The following MTRR variants were observed in gnomAD, a reference collection of about 807,000 sequenced individuals.
MTRR encodes the protein 5-methyltetrahydrofolate-homocysteine methyltransferase reductase.
MTRR carries 63 observed loss-of-function variants against 79.2 expected under a neutral mutation model. The ratio of observed to expected loss-of-function variants is 0.80; its 90% CI spans 0.65 to 0.98. The LOEUF (loss-of-function observed/expected upper bound fraction) is 0.98, where lower values mean the gene tolerates loss of function less well. Among genes scored for constraint, MTRR ranks in the 50% least tolerant of loss-of-function variants. The pLI, the probability that MTRR is intolerant of heterozygous loss-of-function variation, is 0.00. For synonymous variants in MTRR, 355 were observed against 313.3 expected (o/e 1.13, Z -1.41); for missense variants, 895 against 839.6 (o/e 1.07, Z -0.82).
upstream of MTRR, among the ~76,000 whole-genome samples, chr5:7,864,433 G>A (rs986106662): frequency 6.6e-6 from 1 of 151,922 alleles, no homozygotes; most frequent in Non-Finnish European, 1.5e-5. Context: ...AGACAGATTC[G>A]ACTACAGAAC....
chr5:7,891,634 A>G (rs550150098), intron 10 of MTRR, among the ~76,000 whole-genome samples: 3 of 152,222 alleles, frequency 2.0e-5, no homozygotes, highest in Admixed American at 6.5e-5. Flanking sequence ...GCCCAGTACT[A>G]TGTTTCCCCA....
chr5:7,877,297 A>G (rs543122554), intron 4 of MTRR, among the ~76,000 whole-genome samples: 1 of 152,224 alleles, frequency 6.6e-6, no homozygotes, highest in East Asian at 1.9e-4. Flanking sequence ...TAAAAAATCT[A>G]TTTATGATGA....
intron 1 of MTRR, among the ~76,000 whole-genome samples, chr5:7,852,696 T>C (rs759993915): frequency 2.6e-5 from 4 of 151,922 alleles, no homozygotes; most frequent in African/African-American, 7.3e-5. Flanking sequence ...GCATGACTCA[T>C]ACTTTTTTGC....
Position 7,892,889 on chromosome 5 carries a change from C to T in MTRR, c.1533C>T (p.Asp511=), listed in dbSNP as rs1269324233. 2.5e-6 allele frequency: 4 copies of T among 1,614,128 alleles called. No homozygotes were observed. Among genetic ancestry groups the T allele is most frequent in the Non-Finnish European group, 3.4e-6 (4 of 1,180,056 alleles). ...LQPNIHASHE[D]SGKALAPKIS... is the part of the protein sequence containing the mutation. Reference sequence around the variant, plus strand: ...CAAACATACATGCATCCCATGAAGACAGCGGGAAAGCCCTGGCTCCTAAGG... The same window carrying T: ...CAAACATACATGCATCCCATGAAGATAGCGGGAAAGCCCTGGCTCCTAAGG... The change falls in exon 11 of 15, where the codon GAC becomes GAT. Residue 511 remains aspartate, a synonymous_variant. Transcript: ENST00000440940.
At chr5:7,880,703 C>G (rs1207665895) in intron 5 of MTRR, among the ~76,000 whole-genome samples, 2 of 152,172 alleles carry the variant, frequency 1.3e-5, no homozygotes, top group Admixed American at 6.5e-5. Context: ...TTGGCCCTCC[C>G]CATGATGATA....
chr5:7,860,291 G>T (rs162024), intron 1 of MTRR, among the ~76,000 whole-genome samples: 90,023 of 152,024 alleles, frequency 0.59, 28,222 homozygotes, highest in African/African-American at 0.8. Context: ...TTAGGGCAGC[G>T]CTCATTCTCA....
At chr5:7,876,508 A>C (rs564108857) in intron 4 of MTRR, among the ~76,000 whole-genome samples, 1 of 152,300 alleles carries the variant, frequency 6.6e-6, no homozygotes, top group South Asian at 2.1e-4. Context: ...GAAATGCTTG[A>C]CTGTATATTT....
intron 5 of MTRR, among the ~76,000 whole-genome samples, chr5:7,880,976 G>A (rs1043943076): frequency 2.0e-5 from 3 of 152,172 alleles, no homozygotes; most frequent in Non-Finnish European, 4.4e-5. Flanking sequence ...CCATTGTCAA[G>A]TACAGTTTCT....
chr5:7,875,227 T>A (rs770970134), intron 3 of MTRR, 31 bp from the exon 4 acceptor site: 10 of 1,400,166 alleles, frequency 7.1e-6, no homozygotes, highest in Non-Finnish European at 1.0e-5. Context: ...TAAACTTTAT[T>A]GTGCATTAAT....
In MTRR at chr5:7,895,828, C is replaced by T. The variant is rs1293710305; in HGVS notation, c.1652C>T (p.Pro551Leu). Reference protein sequence around the residue: ...IMVGPGTGIAPFIGFLQHREK... With the variant: ...IMVGPGTGIALFIGFLQHREK... ...GTGGGTCCAGGAACCGGCATAGCCC[C>T]GTTTATTGGGTTCCTACAACATAGG... The change falls in exon 12 of 15, where the codon CCG becomes CTG. Residue 551 changes from proline to leucine, a missense_variant. Pro to Leu is a moderately conservative substitution (Grantham distance 98). Coordinates refer to ENST00000440940, the MANE Select transcript of MTRR (RefSeq NM_002454.3). 5.0e-6 allele frequency: 8 copies of T among 1,614,092 alleles called. No individual in the cohort carries two copies. The highest frequency in any genetic ancestry group is 2.7e-5 in the African/African-American group (2 of 75,046).
chr5:7,891,940 G>A (rs1737671250), intron 10 of MTRR, among the ~76,000 whole-genome samples: 2 of 152,180 alleles, frequency 1.3e-5, no homozygotes, highest in South Asian at 2.1e-4. Flanking sequence ...TACTTGGGAG[G>A]CTGAGGTGGG....
In MTRR at chr5:7,883,205, A is replaced by G; in HGVS notation, c.831A>G (p.Pro277=). The G allele has an allele frequency of 1.2e-6, 2 of 1,614,240 alleles. No homozygotes were observed. Among genetic ancestry groups the G allele is most frequent in the Non-Finnish European group, 1.7e-6 (2 of 1,180,034 alleles). Residue 277 remains proline (P), a synonymous_variant, in exon 6 of 15, where the codon CCA becomes CCG. Transcript: ENST00000440940. The part of the protein sequence containing the change: ...VTSADPVFQV[P]ISKAVQLTTN... ...CAGCAGATCCAGTTTTTCAAGTGCCAATTTCAAAGGCAGTTCAACTTACTA... is the reference window on the plus strand; with the variant it reads ...CAGCAGATCCAGTTTTTCAAGTGCCGATTTCAAAGGCAGTTCAACTTACTA...
At chr5:7,898,020 T>TAGAA (rs1260875503) in intron 14 of MTRR, among the ~76,000 whole-genome samples, 1 of 152,192 alleles carries the variant, frequency 6.6e-6, no homozygotes, top group African/African-American at 2.4e-5. Flanking sequence ...AAAGCAACGT[T>TAGAA]TTCTGTTTAG....
chr5:7,870,720 G>A, intron 1 of MTRR, 50 bp from the exon 2 acceptor site: 1 of 1,581,206 alleles, frequency 6.3e-7, no homozygotes, highest in Non-Finnish European at 8.7e-7. Context: ...AATATCTTTA[G>A]GTTGTTACTG....
intron 3 of MTRR, among the ~76,000 whole-genome samples, chr5:7,874,600 T>G (rs1748552659): frequency 6.6e-6 from 1 of 150,590 alleles, no homozygotes; most frequent in Non-Finnish European, 1.5e-5. Flanking sequence ...TTTTTTTTTT[T>G]TTTTTTTTTT....
intron 8 of MTRR, among the ~76,000 whole-genome samples, chr5:7,888,005 TAAATC>T (rs1484515562): frequency 6.6e-6 from 1 of 151,790 alleles, no homozygotes; most frequent in Non-Finnish European, 1.5e-5. Context: ...CTTTTTAACT[TAAATC>T]AAGAATCTGT....
At chr5:7,854,497 A>AGT (rs939189256) in intron 1 of MTRR, among the ~76,000 whole-genome samples, 16 of 152,300 alleles carry the variant, frequency 1.1e-4, no homozygotes, top group African/African-American at 3.6e-4. Context: ...TTGGACTTAG[A>AGT]GTTCCACATG....
upstream of MTRR, chr5:7,851,147 G>A (rs1746069204): frequency 3.4e-6 from 4 of 1,160,162 alleles, no homozygotes; most frequent in South Asian, 4.5e-5. Context: ...TTCGGTCGTT[G>A]CCTGGAAACC....
intron 3 of MTRR, among the ~76,000 whole-genome samples, chr5:7,875,010 A>C (rs1409698300): frequency 1.3e-5 from 2 of 152,244 alleles, no homozygotes; most frequent in African/African-American, 4.8e-5. Context: ...GAAAATGTGA[A>C]GTCTTTTCTT....
Sources: gnomAD v4.1 joint callset for allele counts (sites outside exome capture counted in the v4.1 genomes callset) on GRCh38, gnomAD v4.1.1 for gene constraint, MANE v1.5 for transcripts, NCBI Gene and HGNC (gene_info 2026-07-23, HGNC 2026-07-21) for gene names.